The following LRP4 variants were observed in gnomAD, a reference collection of about 807,000 sequenced individuals.
The protein encoded by LRP4 is low-density lipoprotein receptor-related protein 4.
LRP4 carries 95 observed loss-of-function variants against 220.3 expected under a neutral mutation model. That is an observed-to-expected ratio of 0.43 (90% CI 0.37 to 0.51). LRP4 has a LOEUF of 0.51. Ranked by LOEUF, LRP4 falls within the 20% of genes least tolerant of loss-of-function variation. The pLI, the probability that LRP4 is intolerant of heterozygous loss-of-function variation, is 0.00. For missense variants in LRP4, 1,925 were observed against 2,567.0 expected (o/e 0.75, Z 5.40); for synonymous variants, 903 against 954.6 (o/e 0.95, Z 1.00).
intron 16 of LRP4, among the ~76,000 whole-genome samples, chr11:46,888,015 A>AG (rs2134832372): frequency 1.0e-4 from 1 of 9,582 alleles, no homozygotes; most frequent in Admixed American, 2.6e-3. Flanking sequence ...ACCCTGTCTC[A>AG]AAAAAAAAAA....
chr11:46,868,132 T>C lies in LRP4; in HGVS notation c.4952-18A>G, dbSNP rs1940752528. The C allele has an allele frequency of 6.2e-7, 1 of 1,613,818 alleles. No individual in the cohort carries two copies. The highest frequency in any genetic ancestry group is 8.5e-7 in the Non-Finnish European group (1 of 1,179,978). On this transcript the variant is annotated intron_variant, in intron 33 of 37. Coordinates refer to ENST00000378623, the MANE Select transcript of LRP4 (RefSeq NM_002334.4). ...GCCAGGCACTAGACAAAAAAGAGGA[T>C]TGGAGTGGGCCACTGGAACCATAAA...
At position 46,873,011 on chromosome 11, in the gene LRP4, CTA is replaced by C. The variant is rs1940910402; in HGVS notation, c.4583+87_4583+88del. On this transcript the variant is annotated intron_variant, in intron 30 of 37. Coordinates refer to ENST00000378623, the MANE Select transcript of LRP4 (RefSeq NM_002334.4). The surrounding 1 kb of genome is among the most constrained non-coding windows in gnomAD (Gnocchi z 4.2). ...TCTTCCCCACATACCAAGAAGCTTTCTATCTTTTCATTTTTCCAAGGTTAATC... is the reference window on the plus strand; with the variant it reads ...TCTTCCCCACATACCAAGAAGCTTTCTCTTTTCATTTTTCCAAGGTTAATC... The C allele has an allele frequency of 6.4e-7, 1 of 1,556,286 alleles. No homozygotes were observed. The highest frequency in any genetic ancestry group is 1.7e-5 in the Admixed American group (1 of 59,916).
At chr11:46,884,516 C>G (rs1941236149) in intron 18 of LRP4, among the ~76,000 whole-genome samples, 1 of 151,938 alleles carries the variant, frequency 6.6e-6, no homozygotes. Flanking sequence ...GCGGGTGGAT[C>G]ACGAGATTAG....
chr11:46,883,794 T>C (rs1941217025), intron 19 of LRP4, 77 bp downstream of exon 19: 2 of 1,146,886 alleles, frequency 1.7e-6, no homozygotes, highest in Admixed American at 1.8e-5. Flanking sequence ...TCACTCTTCC[T>C]AATCTTTAGA....
chr11:46,869,152 C>T lies in LRP4; in HGVS notation c.4693-20G>A, dbSNP rs373269700. 6.2e-7 allele frequency: 1 copy of T among 1,612,220 alleles called. No individual in the cohort carries two copies. The highest frequency in any genetic ancestry group is 8.5e-7 in the Non-Finnish European group (1 of 1,178,980). On this transcript the variant is annotated intron_variant, in intron 31 of 37. Coordinates refer to ENST00000378623, the MANE Select transcript of LRP4 (RefSeq NM_002334.4). ...GTCTTGCTACTCAACAGGGGAAGCC[C>T]AAAAACAGTAAATATTATTCAGCAA... is the stretch of plus-strand genomic sequence containing the variant.
At chr11:46,907,262 GCAATTCA>G (rs764091867) in intron 1 of LRP4, among the ~76,000 whole-genome samples, 25 of 152,286 alleles carry the variant, frequency 1.6e-4, no homozygotes, top group Admixed American at 2.6e-4. Flanking sequence ...TCCACCTAAT[GCAATTCA>G]CTATGGAAAA....
At chr11:46,869,630 T>C (rs909956656) in intron 31 of LRP4, among the ~76,000 whole-genome samples, 3 of 152,168 alleles carry the variant, frequency 2.0e-5, no homozygotes, top group Non-Finnish European at 4.4e-5. Flanking sequence ...TCTAAAGCAA[T>C]GATGGTGAAA....
chr11:46,889,784 C>G (rs909389171), intron 15 of LRP4, 160 bp downstream of exon 15: 1 of 885,346 alleles, frequency 1.1e-6, no homozygotes. Context: ...TGTACTGCCC[C>G]GAATGTCCAG....
chr11:46,881,778 C>T lies in LRP4; in HGVS notation c.2738G>A (p.Gly913Glu), dbSNP rs376848284. 70 of 1,613,856 alleles carry T rather than the reference C, an allele frequency of 4.3e-5. No individual in the cohort carries two copies. The highest frequency in any genetic ancestry group is 5.8e-5 in the Non-Finnish European group (68 of 1,180,038). ...GTCAGCCCAGTATAGACGCTGGGAC[C>T]CATAATCAATAGCTAACCCATTAGG... Reference protein sequence around the residue: ...TWPNGLAIDYGSQRLYWADAG... With the variant: ...TWPNGLAIDYESQRLYWADAG... Residue 913 changes from glycine to glutamate, a missense_variant, in exon 20 of 38, where the codon GGG becomes GAG. Physicochemically the swap from Gly to Glu is moderately conservative, Grantham distance 98. This residue lies in a region of LRP4 where 1,244 missense variants were observed against 1,624.9 expected (regional missense o/e 0.77). Transcript: ENST00000378623.
intron 20 of LRP4, 79 bp downstream of exon 20, chr11:46,881,623 A>T: frequency 7.1e-7 from 1 of 1,399,020 alleles, no homozygotes; most frequent in South Asian, 1.2e-5. Context: ...CCAGCCAAAA[A>T]GTACTGTCCT....
chr11:46,870,041 G>T (rs1327620780), intron 31 of LRP4, among the ~76,000 whole-genome samples: 1 of 152,170 alleles, frequency 6.6e-6, no homozygotes, highest in Non-Finnish European at 1.5e-5. Flanking sequence ...AGGAGGTGGG[G>T]GTTGTAGTGA....
At position 46,877,288 on chromosome 11, in the gene LRP4, G is replaced by A; in HGVS notation, c.3188C>T (p.Ser1063Phe). The change falls in exon 23 of 38, where the codon TCC (serine) becomes TTC (phenylalanine). Residue 1063 changes from serine to phenylalanine, a missense_variant. Physicochemically the swap from Ser to Phe is radical, Grantham distance 155. This residue lies in a region of LRP4 where 1,244 missense variants were observed against 1,624.9 expected (regional missense o/e 0.77). Transcript: ENST00000378623. ...ATCAGCAAAATAAGGGATGTCCAGGGAGACCATGCGAATGTCTATCCTCCT... is the reference window on the plus strand; with the variant it reads ...ATCAGCAAAATAAGGGATGTCCAGGAAGACCATGCGAATGTCTATCCTCCT... ...FARRIDIRMV[S>F]LDIPYFADVV... The A allele has an allele frequency of 6.2e-7, 1 of 1,614,044 alleles. No homozygotes were observed. Among genetic ancestry groups the A allele is most frequent in the Non-Finnish European group, 8.5e-7 (1 of 1,179,988 alleles).
chr11:46,899,569 C>G lies in LRP4; in HGVS notation c.431-66G>C. ...ACAGGCAACCCTCTCACCCTCCTCT[C>G]TGACTCCCAACCTCACTGGCTTTGG... On this transcript the variant is annotated intron_variant, in intron 4 of 37. Coordinates refer to ENST00000378623, the MANE Select transcript of LRP4 (RefSeq NM_002334.4). The surrounding 1 kb of genome is among the most constrained non-coding windows in gnomAD (Gnocchi z 5.9). The G allele has an allele frequency of 8.8e-7, 1 of 1,131,046 alleles. No individual in the cohort carries two copies. Among genetic ancestry groups the G allele is most frequent in the Non-Finnish European group, 1.3e-6 (1 of 749,670 alleles). 70.1% of individuals were successfully genotyped at this position (1,131,046 alleles called of 1,614,324 possible). A position where few individuals can be genotyped will look rare whatever the true frequency, so the allele number is the denominator to read the frequency against.
intron 1 of LRP4, among the ~76,000 whole-genome samples, chr11:46,907,769 C>T (rs1411401267): frequency 6.6e-6 from 1 of 152,208 alleles, no homozygotes; most frequent in East Asian, 1.9e-4. Context: ...GGTTCTACCA[C>T]AAATTCCGCA....
intron 1 of LRP4, among the ~76,000 whole-genome samples, chr11:46,904,266 T>A (rs1941722232): frequency 1.3e-5 from 2 of 152,210 alleles, no homozygotes; most frequent in Non-Finnish European, 2.9e-5. Flanking sequence ...CTATACTCTG[T>A]ACCTGGTCCA....
At chr11:46,903,164 CT>C (rs1941699728) in intron 1 of LRP4, among the ~76,000 whole-genome samples, 1 of 152,030 alleles carries the variant, frequency 6.6e-6, no homozygotes, top group South Asian at 2.1e-4. Context: ...TATGACAGGG[CT>C]TTTTTGCATG....
Position 46,898,496 on chromosome 11 carries a change from T to C in LRP4, c.796+62A>G, listed in dbSNP as rs955948529. 2.5e-5 allele frequency: 40 copies of C among 1,611,288 alleles called. 1 individual carries two copies. In the African/African-American group the frequency reaches 3.2e-4, roughly 13 times the overall value. On this transcript the variant is annotated intron_variant, in intron 7 of 37. Coordinates refer to ENST00000378623, the MANE Select transcript of LRP4 (RefSeq NM_002334.4). ...CCACCGCGCCCAGCCGGTAGTGGCC[T>C]CTTTGGCTCCACAAGCCTTCTCCTT... is the stretch of plus-strand genomic sequence containing the variant.
chr11:46,907,507 T>C (rs1941781950), intron 1 of LRP4, among the ~76,000 whole-genome samples: 1 of 152,216 alleles, frequency 6.6e-6, no homozygotes, highest in African/African-American at 2.4e-5. Context: ...CCAACACAAA[T>C]TCGTAAACTT....
At chr11:46,913,287 T>C (rs1324273843) in intron 1 of LRP4, among the ~76,000 whole-genome samples, 1 of 152,010 alleles carries the variant, frequency 6.6e-6, no homozygotes, top group Non-Finnish European at 1.5e-5. Context: ...CAACAGAAAA[T>C]GGAGGCAGAC....
Sources: gnomAD v4.1 joint callset for allele counts (sites outside exome capture counted in the v4.1 genomes callset) on GRCh38, gnomAD v4.1.1 for gene constraint, gnomAD v4.1.1 regional missense constraint, Gnocchi (gnomAD v3.1) non-coding constraint, MANE v1.5 for transcripts, NCBI Gene and HGNC (gene_info 2026-07-23, HGNC 2026-07-21) for gene names.